The following TET2 variants were observed in gnomAD, a reference collection of about 807,000 sequenced individuals.
TET2 encodes tet methylcytosine dioxygenase 2.
Under a neutral mutation model 142.9 loss-of-function variants are expected in TET2, and 299 were observed. That is an observed-to-expected ratio of 2.09 (90% CI 1.90 to 2.30). The LOEUF is 2.30. Among genes scored for constraint, TET2 ranks in the 30% most tolerant of loss-of-function variants. TET2 has a pLI of 0.00. For synonymous variants in TET2, 819 were observed against 849.0 expected (o/e 0.96, Z 0.61); for missense variants, 2,418 against 2,378.0 (o/e 1.02, Z -0.35).
intron 1 of TET2, among the ~76,000 whole-genome samples, chr4:105,153,233 AATATC>A (rs1723399340): frequency 6.6e-6 from 1 of 152,232 alleles, no homozygotes; most frequent in South Asian, 2.1e-4. Context: ...GCAAAACTAT[AATATC>A]ATATCACAAC....
intron 2 of TET2, among the ~76,000 whole-genome samples, chr4:105,196,803 C>T (rs1726121593): frequency 6.6e-6 from 1 of 152,182 alleles, no homozygotes; most frequent in South Asian, 2.1e-4. Context: ...AAGGCTGCAT[C>T]TTGTCTTCTT....
At chr4:105,215,047 C>G (rs563609601) in intron 2 of TET2, among the ~76,000 whole-genome samples, 1 of 152,074 alleles carries the variant, frequency 6.6e-6, no homozygotes, top group South Asian at 2.1e-4. Flanking sequence ...ACACTGTCTC[C>G]GGGAATTAAA....
At chr4:105,210,668 C>T (rs1248228569) in intron 2 of TET2, among the ~76,000 whole-genome samples, 1 of 152,200 alleles carries the variant, frequency 6.6e-6, no homozygotes, top group Non-Finnish European at 1.5e-5. Flanking sequence ...CCTTTTAGCT[C>T]AAGACAAAAC....
At chr4:105,156,931 T>C (rs1723595883) in intron 1 of TET2, among the ~76,000 whole-genome samples, 1 of 152,226 alleles carries the variant, frequency 6.6e-6, no homozygotes, top group African/African-American at 2.4e-5. Flanking sequence ...AGTCTCTTGC[T>C]TTGAAGTTAT....
At chr4:105,147,975 T>G (rs1723115896) in intron 1 of TET2, among the ~76,000 whole-genome samples, 1 of 152,088 alleles carries the variant, frequency 6.6e-6, no homozygotes, top group South Asian at 2.1e-4. Context: ...AAATTTCTCT[T>G]TGGCTTCTCT....
intron 2 of TET2, among the ~76,000 whole-genome samples, chr4:105,221,228 T>C (rs1480445700): frequency 2.0e-5 from 3 of 152,100 alleles, no homozygotes; most frequent in Non-Finnish European, 4.4e-5. Flanking sequence ...CAAAAAACAA[T>C]TCCAGGATTA....
chr4:105,278,171 C>CATACATATATATATATATAT lies in TET2; in HGVS notation c.*1655_*1656insCATATATATATATATATATA, dbSNP rs577624044. 19 of 113,918 alleles carry CATACATATATATATATATAT rather than the reference C, an allele frequency of 1.7e-4. No individual in the cohort carries two copies. The highest frequency in any genetic ancestry group is 6.6e-4 in the African/African-American group (16 of 24,422). The allele number at this position is 113,918 out of a possible 1,614,324, so 7.1% of individuals were successfully genotyped here. On this transcript the variant is annotated 3_prime_UTR_variant, in exon 11 of 11. Transcript: ENST00000380013. ...GTACTGTAAAAAAATTAAATATATA[C>CATACATATATATATATATAT]ATATATATATATATATATATATATA...
intron 6 of TET2, among the ~76,000 whole-genome samples, chr4:105,255,802 CATA>C (rs1730096640): frequency 6.6e-6 from 1 of 151,872 alleles, no homozygotes. Flanking sequence ...ATACATTTAA[CATA>C]ATTATTGATA....
At chr4:105,175,988 T>G (rs1363223458) in intron 1 of TET2, among the ~76,000 whole-genome samples, 1 of 152,052 alleles carries the variant, frequency 6.6e-6, no homozygotes, top group Non-Finnish European at 1.5e-5. Context: ...AGTTAAGAAA[T>G]AAAGTCTGTC....
Position 105,275,511 on chromosome 4 carries a change from G to GT in TET2, c.5002dup (p.Ser1668PhefsTer2), listed in dbSNP as rs1442812046. On this transcript the variant is annotated frameshift_variant, in exon 11 of 11. Transcript: ENST00000380013. LOFTEE classifies it low-confidence loss of function (END_TRUNC). ...ATAGGTATCCAAGCCAAGACCCTCT[G>GT]TCTAAGCTCAGTCTACCACCCATCC... 1 of 1,551,644 alleles carries GT rather than the reference G, an allele frequency of 6.4e-7. No homozygotes were observed. Among genetic ancestry groups the GT allele is most frequent in the Non-Finnish European group, 8.7e-7 (1 of 1,146,980 alleles).
In TET2 at chr4:105,235,651, C is replaced by T; in HGVS notation, c.1709C>T (p.Pro570Leu). ...LKPGWIELKA[P>L]RFHQAESHLK... is the part of the protein sequence containing the mutation. ...CCAGGATGGATTGAATTGAAGGCCC[C>T]TCGTTTTCACCAAGCGGAATCCCAT... Residue 570 changes from proline (P) to leucine (L), a missense_variant, in exon 3 of 11, where the codon CCT becomes CTT. By Grantham distance (98) the Pro-to-Leu change is moderately conservative (BLOSUM62 -3). Transcript: ENST00000380013. 1 of 1,614,142 alleles carries T rather than the reference C, an allele frequency of 6.2e-7. No individual in the cohort carries two copies. Among genetic ancestry groups the T allele is most frequent in the Non-Finnish European group, 8.5e-7 (1 of 1,180,000 alleles).
Position 105,277,303 on chromosome 4 carries a change from G to T in TET2, c.*784G>T, listed in dbSNP as rs1238499242. On this transcript the variant is annotated 3_prime_UTR_variant, in exon 11 of 11. Coordinates refer to ENST00000380013, the MANE Select transcript of TET2 (RefSeq NM_001127208.3). ...GACATTTTAAAGGCCTCTGGATTTT[G>T]CTCATCCAGTGAAGTCCTTGTAGGA... 3 of 225,710 alleles carry T rather than the reference G, an allele frequency of 1.3e-5. No individual in the cohort carries two copies. The highest frequency in any genetic ancestry group is 2.6e-5 in the Non-Finnish European group (3 of 113,594). 14.0% of individuals were successfully genotyped at this position (225,710 alleles called of 1,614,324 possible).
intron 1 of TET2, among the ~76,000 whole-genome samples, chr4:105,175,462 T>C (rs892515161): frequency 6.6e-6 from 1 of 151,986 alleles, no homozygotes; most frequent in Non-Finnish European, 1.5e-5. Flanking sequence ...ATAAGTAGAT[T>C]GAACATAGCC....
intron 1 of TET2, among the ~76,000 whole-genome samples, chr4:105,185,678 C>T (rs1725390865): frequency 1.3e-5 from 2 of 152,116 alleles, no homozygotes; most frequent in Admixed American, 6.5e-5. Context: ...ACTCAGGAGG[C>T]TGAGGCAGGA....
At chr4:105,165,609 A>C (rs1416810195) in intron 1 of TET2, among the ~76,000 whole-genome samples, 2 of 152,174 alleles carry the variant, frequency 1.3e-5, no homozygotes, top group African/African-American at 4.8e-5. Context: ...TATCTATTGA[A>C]TTTCCCACAA....
At chr4:105,202,534 T>C (rs1370707042) in intron 2 of TET2, 1 of 152,248 alleles carries the variant, frequency 6.6e-6, no homozygotes, top group Non-Finnish European at 1.5e-5. Flanking sequence ...ATTAAATTTT[T>C]ATTGAACAAA....
chr4:105,187,638 T>TA (rs906463867), intron 1 of TET2, among the ~76,000 whole-genome samples: 2 of 152,236 alleles, frequency 1.3e-5, no homozygotes, highest in Non-Finnish European at 2.9e-5. Flanking sequence ...TTTTTCTTCT[T>TA]ACATTTAAAA....
At chr4:105,186,348 T>C (rs1279452582) in intron 1 of TET2, among the ~76,000 whole-genome samples, 1 of 152,182 alleles carries the variant, frequency 6.6e-6, no homozygotes, top group East Asian at 1.9e-4. Flanking sequence ...TATCTTAACC[T>C]CTGTCTTCAG....
At chr4:105,156,563 G>A (rs756897054) in intron 1 of TET2, among the ~76,000 whole-genome samples, 1 of 152,060 alleles carries the variant, frequency 6.6e-6, no homozygotes, top group Non-Finnish European at 1.5e-5. Flanking sequence ...TAGCTTCTAT[G>A]TCCAGGTTAT....
Sources: allele counts gnomAD v4.1 joint callset (sites outside exome capture counted in the v4.1 genomes callset), GRCh38; gene constraint gnomAD v4.1.1; transcripts MANE v1.5; gene names NCBI Gene and HGNC (gene_info 2026-07-23, HGNC 2026-07-21).